Variants in ERBB4 observed in about 807,000 individuals in gnomAD.
ERBB4 encodes erb-b2 receptor tyrosine kinase 4, also known as receptor tyrosine-protein kinase erbB-4.
A neutral mutation model predicts 158.0 loss-of-function variants in ERBB4; 42 were observed. The observed-to-expected ratio is 0.27, with a 90% CI of 0.21 to 0.34. The LOEUF is 0.34. ERBB4 is among the 10% of genes least tolerant of loss of function. The probability of loss-of-function intolerance (pLI) is 1.00; values close to 1 mark genes in which losing one functional copy is unlikely to be tolerated. For missense variants in ERBB4, 1,333 were observed against 1,624.1 expected, an observed-to-expected ratio of 0.82 and a Z score of 3.08; for synonymous variants, 583 against 558.7, an observed-to-expected ratio of 1.04 and a Z score of -0.61.
At chr2:212,344,144 A>T (rs576812648) in intron 1 of ERBB4, among the ~76,000 whole-genome samples, 2 of 152,324 alleles carry the variant, frequency 1.3e-5, no homozygotes, top group South Asian at 4.1e-4. Flanking sequence ...GTAGTTATTA[A>T]CGAAATACAA....
At chr2:212,137,570 A>G (rs1335425429) in intron 1 of ERBB4, among the ~76,000 whole-genome samples, 1 of 152,164 alleles carries the variant, frequency 6.6e-6, no homozygotes, top group Non-Finnish European at 1.5e-5. Context: ...TATGCAGTCT[A>G]TTATTAATGG....
At chr2:211,645,804 A>G (rs2070764086) in intron 16 of ERBB4, among the ~76,000 whole-genome samples, 1 of 151,704 alleles carries the variant, frequency 6.6e-6, no homozygotes, top group Non-Finnish European at 1.5e-5. Flanking sequence ...AACTTCTGTA[A>G]TATTTAATGT....
intron 2 of ERBB4, among the ~76,000 whole-genome samples, chr2:212,055,235 C>G (rs556229159): frequency 1.3e-5 from 2 of 152,228 alleles, no homozygotes; most frequent in African/African-American, 4.8e-5. Flanking sequence ...TGCAAGGCAG[C>G]AGTGAGTCTG....
intron 3 of ERBB4, among the ~76,000 whole-genome samples, chr2:211,793,519 A>T (rs1234998905): frequency 1.3e-5 from 2 of 151,998 alleles, no homozygotes; most frequent in Non-Finnish European, 2.9e-5. Context: ...AATCCAAGGC[A>T]GCAAAACCCA....
chr2:211,625,182 T>C (rs920099032), intron 17 of ERBB4, among the ~76,000 whole-genome samples: 2 of 152,058 alleles, frequency 1.3e-5, no homozygotes, highest in African/African-American at 4.8e-5. Context: ...GTGCAAGAAA[T>C]AGGAGTTTCT....
At chr2:211,698,395 G>C (rs2073105080) in intron 12 of ERBB4, among the ~76,000 whole-genome samples, 1 of 150,746 alleles carries the variant, frequency 6.6e-6, no homozygotes, top group Non-Finnish European at 1.5e-5. Context: ...ACTATATTAA[G>C]TATAAGATAT....
chr2:211,512,741 T>G (rs543734924), intron 20 of ERBB4, among the ~76,000 whole-genome samples: 1 of 152,084 alleles, frequency 6.6e-6, no homozygotes, highest in Non-Finnish European at 1.5e-5. Flanking sequence ...TTGTTCTTGG[T>G]AAGAACAATC....
intron 27 of ERBB4, among the ~76,000 whole-genome samples, chr2:211,384,755 C>G (rs1352500462): frequency 6.6e-6 from 1 of 151,888 alleles, no homozygotes; most frequent in Non-Finnish European, 1.5e-5. Context: ...TTCCATTGAC[C>G]AATCATAATC....
At chr2:211,492,858 G>C (rs1353542741) in intron 20 of ERBB4, among the ~76,000 whole-genome samples, 2 of 152,034 alleles carry the variant, frequency 1.3e-5, no homozygotes, top group Non-Finnish European at 2.9e-5. Context: ...TGGCTTCTTT[G>C]GTTCTGATCC....
chr2:212,373,826 T>TATATATATCCATGTATATATCC lies in ERBB4; in HGVS notation c.82+164622_82+164623insGGATATATACATGGATATATAT, dbSNP rs1560145602. 9.9e-5 allele frequency among the ~76,000 whole-genome samples: 4 copies of TATATATATCCATGTATATATCC among 40,580 alleles called. 1 individual carries two copies. Among genetic ancestry groups the TATATATATCCATGTATATATCC allele is most frequent in the South Asian group, 8.1e-4 (1 of 1,232 alleles). The allele number at this position is 40,580 out of a possible 152,430, so 26.6% of individuals were successfully genotyped here. A position where few individuals can be genotyped will look rare whatever the true frequency, so the allele number is the denominator to read the frequency against. Reference sequence around the variant, plus strand: ...ATATATATATCCATGTATATATCCATATATATATATATCCATGTATATATC... The same window carrying TATATATATCCATGTATATATCC: ...ATATATATATCCATGTATATATCCATATATATATCCATGTATATATCCATATATATATATCCATGTATATATC... On this transcript the variant is annotated intron_variant, in intron 1 of 27. Transcript: ENST00000342788.
chr2:212,415,199 C>G (rs965848795), intron 1 of ERBB4, among the ~76,000 whole-genome samples: 3 of 152,084 alleles, frequency 2.0e-5, no homozygotes, highest in African/African-American at 7.2e-5. Context: ...AAAGGAAATA[C>G]TTTGGGTCTG....
At chr2:211,760,031 C>G (rs73985846) in intron 4 of ERBB4, among the ~76,000 whole-genome samples, 2,221 of 152,200 alleles carry the variant, frequency 0.015, 71 homozygotes, top group African/African-American at 0.051. Flanking sequence ...TTCACTGGTA[C>G]ATGTAGGAGA....
intron 1 of ERBB4, among the ~76,000 whole-genome samples, chr2:212,362,898 T>C (rs2089743326): frequency 6.6e-6 from 1 of 151,388 alleles, no homozygotes; most frequent in Admixed American, 6.6e-5. Flanking sequence ...AGTTGTCAAA[T>C]ATTACTTACA....
chr2:211,836,695 C>G (rs546590173), intron 3 of ERBB4, among the ~76,000 whole-genome samples: 58 of 152,162 alleles, frequency 3.8e-4, no homozygotes, highest in African/African-American at 1.3e-3. Flanking sequence ...GCCAATCTTG[C>G]AAGCAAGCCC....
intron 1 of ERBB4, among the ~76,000 whole-genome samples, chr2:212,440,199 G>T (rs1441571493): frequency 6.6e-6 from 1 of 152,202 alleles, no homozygotes; most frequent in East Asian, 1.9e-4. Context: ...GTCTGTGAGG[G>T]TGTTGCCAAA....
chr2:212,407,480 G>A (rs1328561897), intron 1 of ERBB4, among the ~76,000 whole-genome samples: 1 of 152,064 alleles, frequency 6.6e-6, no homozygotes, highest in African/African-American at 2.4e-5. Context: ...GCTAGTAAAT[G>A]ACAAAGCCAG....
At chr2:212,070,263 G>T (rs2078074151) in intron 2 of ERBB4, among the ~76,000 whole-genome samples, 1 of 145,316 alleles carries the variant, frequency 6.9e-6, no homozygotes, top group African/African-American at 2.5e-5. Flanking sequence ...GTTTTTTAAA[G>T]TATCAATACT....
rs1261603409 is a variant in ERBB4, at chr2:211,619,198, C to A, written c.2280G>T (p.Lys760Asn). 1 of 1,609,126 alleles carries A rather than the reference C, an allele frequency of 6.2e-7. No homozygotes were observed. Among genetic ancestry groups the A allele is most frequent in the Non-Finnish European group, 8.5e-7 (1 of 1,175,732 alleles). ...IKILNETTGP[K>N]ANVEFMDEAL... ...TTACATCCATGAACTCCACATTTGCCTTGGGACCAGTTGTCTCATTAAGAA... is the reference window on the plus strand; with the variant it reads ...TTACATCCATGAACTCCACATTTGCATTGGGACCAGTTGTCTCATTAAGAA... The change falls in exon 19 of 28, where the codon AAG becomes AAT. Residue 760 changes from lysine to asparagine, a missense_variant. Around this residue, in one of 5 missense-constraint regions of ERBB4, gnomAD observed 314 missense variants for 437.6 expected, o/e 0.72. Coordinates refer to ENST00000342788, the MANE Select transcript of ERBB4 (RefSeq NM_005235.3).
chr2:212,276,091 A>G (rs934294410), intron 1 of ERBB4, among the ~76,000 whole-genome samples: 1 of 151,810 alleles, frequency 6.6e-6, no homozygotes, highest in African/African-American at 2.4e-5. Context: ...CAGGGTCCAT[A>G]TAGTTAATGA....
Sources: gnomAD v4.1 joint callset for allele counts (sites outside exome capture counted in the v4.1 genomes callset) on GRCh38, gnomAD v4.1.1 for gene constraint, gnomAD v4.1.1 regional missense constraint, MANE v1.5 for transcripts, NCBI Gene and HGNC (gene_info 2026-07-23, HGNC 2026-07-21) for gene names.